The following MED12L variants were observed in gnomAD, a reference collection of about 807,000 sequenced individuals.
MED12L encodes mediator of RNA polymerase II transcription subunit 12-like protein.
MED12L carries 60 observed loss-of-function variants against 281.3 expected under a neutral mutation model. That is an observed-to-expected ratio of 0.21 (90% CI 0.17 to 0.26). The LOEUF (loss-of-function observed/expected upper bound fraction) is 0.26. Among genes scored for constraint, MED12L ranks in the 10% least tolerant of loss-of-function variants. MED12L has a pLI of 1.00. For synonymous variants in MED12L, 974 were observed against 987.2 expected (o/e 0.99, Z 0.25); for missense variants, 2,146 against 2,680.9 (o/e 0.80, Z 4.41).
rs113713813 is a variant in MED12L, at chr3:151,263,392, A to G, written c.2250+69726A>G. Among the ~76,000 whole-genome samples the G allele has an allele frequency of 6.5e-3, 983 of 152,310 alleles. 7 individuals are homozygous for G. Among genetic ancestry groups the G allele is most frequent in the South Asian group, 0.013 (61 of 4,816 alleles). On this transcript the variant is annotated intron_variant, in intron 16 of 44. Coordinates refer to ENST00000687756, the MANE Select transcript of MED12L (RefSeq NM_001393769.1). ...TGTGGAACCAGAAGGAAATGTACAA[A>G]TGTGGTGTTCACAATTTGCTATCAT...
Position 151,372,876 on chromosome 3 carries a change from A to C in MED12L, c.3864+110A>C, listed in dbSNP as rs544205200. 26 of 736,882 alleles carry C rather than the reference A, an allele frequency of 3.5e-5. No individual in the cohort carries two copies. In the Admixed American group the frequency reaches 6.7e-4, roughly 19 times the overall value. 45.6% of individuals were successfully genotyped at this position (736,882 alleles called of 1,614,324 possible). On this transcript the variant is annotated intron_variant, in intron 27 of 44. Transcript: ENST00000687756. ...ATAGGTGGGCCTTTTTTTCTTGCTC[A>C]CTTTATTTCGAAATAATTTTAAGTT...
rs772444069 is a variant in MED12L, at chr3:151,384,167, G to A, written c.4875G>A (p.Gly1625=). ...LASDLSNASP[G]GSEENKRAYM... is the part of the protein sequence containing the mutation. ...CTGACCTATCAAATGCATCCCCTGG[G>A]GGATCTGAAGAGAACAAGCGTGCAT... Residue 1625 remains glycine (G), a synonymous_variant, in exon 35 of 45, where the codon GGG becomes GGA. Transcript: ENST00000687756. 1.8e-5 allele frequency: 29 copies of A among 1,613,742 alleles called. No homozygotes were observed. In the East Asian group the frequency reaches 4.0e-4, roughly 22 times the overall value.
At position 151,283,420 on chromosome 3, in the gene MED12L, A is replaced by AT. The variant is rs1009010977; in HGVS notation, c.2251-66631dup. 2.0e-4 allele frequency among the ~76,000 whole-genome samples: 30 copies of AT among 152,122 alleles called. No individual in the cohort carries two copies. The East Asian group carries it at 4.1e-3, about 21-fold the overall frequency. On this transcript the variant is annotated intron_variant, in intron 16 of 44. Transcript: ENST00000687756. ...TGTATGTGTATTTTCTCTTTTCAGT[A>AT]TTTTTTTTGGAAAGATGCTGAGGAA...
At chr3:151,227,134 A>G (rs1280918737) in intron 16 of MED12L, among the ~76,000 whole-genome samples, 1 of 152,260 alleles carries the variant, frequency 6.6e-6, no homozygotes, top group Non-Finnish European at 1.5e-5. Flanking sequence ...AATCCAGGTC[A>G]GTGACCAACA....
chr3:151,126,802 C>G (rs150752031), intron 4 of MED12L, among the ~76,000 whole-genome samples: 146 of 152,244 alleles, frequency 9.6e-4, no homozygotes, highest in African/African-American at 3.3e-3. Flanking sequence ...AATTTTGATT[C>G]ATGTAATTGT....
intron 16 of MED12L, among the ~76,000 whole-genome samples, chr3:151,232,120 C>A (rs1230646497): frequency 6.6e-6 from 1 of 152,150 alleles, no homozygotes; most frequent in African/African-American, 2.4e-5. Flanking sequence ...TTCCTTCTTA[C>A]TTTCCTGTGG....
chr3:151,327,430 T>A (rs908700334), intron 16 of MED12L: 32 of 152,194 alleles, frequency 2.1e-4, no homozygotes, highest in African/African-American at 7.5e-4. Context: ...AAGAGGCTGT[T>A]TGTAATTGTA....
chr3:151,222,720 A>G (rs1269516865), intron 16 of MED12L, among the ~76,000 whole-genome samples: 1 of 152,240 alleles, frequency 6.6e-6, no homozygotes, highest in African/African-American at 2.4e-5. Context: ...ATGGACTAAT[A>G]AAGCATGATA....
chr3:151,288,736 T>C (rs1446507004), intron 16 of MED12L, among the ~76,000 whole-genome samples: 1 of 152,240 alleles, frequency 6.6e-6, no homozygotes. Flanking sequence ...ATTTGAGTTA[T>C]CATGATTTAG....
At chr3:151,371,797 A>C (rs886226403) in intron 26 of MED12L, among the ~76,000 whole-genome samples, 1 of 152,160 alleles carries the variant, frequency 6.6e-6, no homozygotes, top group Non-Finnish European at 1.5e-5. Flanking sequence ...TTACTCTCTC[A>C]CTTTTAAAAT....
chr3:151,430,403 G>C, intron 44 of MED12L, 23 bp downstream of exon 44: 1 of 1,612,170 alleles, frequency 6.2e-7, no homozygotes, highest in South Asian at 1.1e-5. Context: ...GTGTGTCATG[G>C]AACAGACAGC....
intron 5 of MED12L, among the ~76,000 whole-genome samples, chr3:151,142,397 A>G (rs1717150872): frequency 6.6e-6 from 1 of 152,258 alleles, no homozygotes; most frequent in Admixed American, 6.5e-5. Flanking sequence ...CTTAAAGCAT[A>G]AACAAGAGAA....
intron 39 of MED12L, among the ~76,000 whole-genome samples, chr3:151,398,744 A>G (rs1364089563): frequency 6.6e-6 from 1 of 152,198 alleles, no homozygotes; most frequent in African/African-American, 2.4e-5. Context: ...CTGCTTATCC[A>G]CAGGGAATAT....
In MED12L at chr3:151,116,349, T is replaced by C. The variant is rs752892731; in HGVS notation, c.111T>C (p.Thr37=). 70 of 1,612,424 alleles carry C rather than the reference T, an allele frequency of 4.3e-5. No individual in the cohort carries two copies. Among genetic ancestry groups the C allele is most frequent in the Non-Finnish European group, 5.3e-5 (62 of 1,178,800 alleles). ...QDPKQKEDEL[T]AVNVKQGFNN... ...CGTCTCTTGAACAGGATGAACTTAC[T>C]GCTGTGAATGTAAAGCAAGGCTTCA... The change falls in exon 3 of 45, where the codon ACT becomes ACC. Residue 37 remains threonine (T), a synonymous_variant. Transcript: ENST00000687756.
intron 20 of MED12L, among the ~76,000 whole-genome samples, chr3:151,358,900 A>G (rs979356407): frequency 6.6e-6 from 1 of 152,190 alleles, no homozygotes; most frequent in Admixed American, 6.5e-5. Flanking sequence ...TTTAGTCACA[A>G]AATAATTTTT....
intron 16 of MED12L, among the ~76,000 whole-genome samples, chr3:151,302,140 A>C (rs11926145): frequency 0.27 from 41,147 of 152,134 alleles, 5,893 homozygotes; most frequent in South Asian, 0.31. Context: ...CAGATACCTA[A>C]AGACTACATG....
chr3:151,141,178 G>GTTTTTTTTTT (rs370095367), intron 5 of MED12L, among the ~76,000 whole-genome samples: 2 of 102,234 alleles, frequency 2.0e-5, no homozygotes, highest in African/African-American at 8.5e-5. Context: ...TTTTTTTTTT[G>GTTTTTTTTTT]TTTTTTTTGT....
chr3:151,161,672 C>A (rs1417372909), intron 8 of MED12L, among the ~76,000 whole-genome samples: 4 of 152,148 alleles, frequency 2.6e-5, no homozygotes, highest in African/African-American at 9.7e-5. Flanking sequence ...TTGGAACTAG[C>A]CTTTGAGATG....
intron 3 of MED12L, among the ~76,000 whole-genome samples, chr3:151,118,513 A>G (rs1390322023): frequency 6.6e-6 from 1 of 152,092 alleles, no homozygotes; most frequent in African/African-American, 2.4e-5. Flanking sequence ...GTAATTTATG[A>G]TTCTTTTTTA....
Sources: allele counts gnomAD v4.1 joint callset (sites outside exome capture counted in the v4.1 genomes callset), GRCh38; gene constraint gnomAD v4.1.1; transcripts MANE v1.5; gene names NCBI Gene and HGNC (gene_info 2026-07-23, HGNC 2026-07-21).